LRP1B: variants seen among roughly 807,000 people sequenced by gnomAD.
The protein encoded by LRP1B is LDL receptor related protein 1B.
In LRP1B, 217 loss-of-function variants were observed where a neutral mutation model predicts 556.6. The ratio of observed to expected loss-of-function variants is 0.39; its 90% CI spans 0.35 to 0.44. LRP1B has a LOEUF of 0.44. LRP1B is among the 20% of genes least tolerant of loss of function. The probability of loss-of-function intolerance (pLI) is 1.00; values close to 1 mark genes in which losing one functional copy is unlikely to be tolerated. For missense variants in LRP1B, 5,053 were observed against 5,620.8 expected (o/e 0.90, Z 3.23); for synonymous variants, 2,047 against 1,865.8 (o/e 1.10, Z -2.50).
intron 3 of LRP1B, among the ~76,000 whole-genome samples, chr2:141,347,513 T>G (rs745841547): frequency 1.3e-5 from 2 of 151,984 alleles, no homozygotes; most frequent in Middle Eastern, 3.4e-3. Flanking sequence ...TAATTTAAAA[T>G]TTAATATAAA....
intron 84 of LRP1B, among the ~76,000 whole-genome samples, chr2:140,275,811 A>T (rs1052840256): frequency 1.3e-5 from 2 of 151,852 alleles, no homozygotes. Flanking sequence ...GTCACAGACG[A>T]TTTTCTCAAC....
chr2:140,523,435 T>G lies in LRP1B; in HGVS notation c.8026+2409A>C, dbSNP rs116001166. On this transcript the variant is annotated intron_variant, in intron 49 of 90. Coordinates refer to ENST00000389484, the MANE Select transcript of LRP1B (RefSeq NM_018557.3). Reference sequence around the variant, plus strand: ...CCCAAAGCCAATCTCAAATTGAAGGTGCAAAAGCTGGAATCATTCATTGCC... The same window carrying G: ...CCCAAAGCCAATCTCAAATTGAAGGGGCAAAAGCTGGAATCATTCATTGCC... Among the ~76,000 whole-genome samples, 1,426 of 151,906 alleles carry G rather than the reference T, an allele frequency of 9.4e-3. 19 individuals are homozygous for G. Among genetic ancestry groups the G allele is most frequent in the African/African-American group, 0.031 (1,272 of 41,450 alleles).
intron 7 of LRP1B, among the ~76,000 whole-genome samples, chr2:141,080,172 T>A (rs1418989128): frequency 6.6e-6 from 1 of 152,200 alleles, no homozygotes. Flanking sequence ...AAGCCCTTAA[T>A]GGTGGGAGGA....
At chr2:141,405,624 C>A (rs1157943140) in intron 3 of LRP1B, among the ~76,000 whole-genome samples, 2 of 151,942 alleles carry the variant, frequency 1.3e-5, no homozygotes, top group Non-Finnish European at 1.5e-5. Flanking sequence ...TGTAAGAAGA[C>A]AACAGAGATA....
At chr2:141,592,105 T>C (rs1349536991) in intron 2 of LRP1B, among the ~76,000 whole-genome samples, 1 of 152,110 alleles carries the variant, frequency 6.6e-6, no homozygotes, top group Non-Finnish European at 1.5e-5. Context: ...TGCACCAACA[T>C]TGACTGTGTT....
intron 1 of LRP1B, among the ~76,000 whole-genome samples, chr2:141,938,530 A>C (rs1473889798): frequency 1.3e-5 from 2 of 152,136 alleles, no homozygotes; most frequent in Non-Finnish European, 2.9e-5. Flanking sequence ...AACAGTATGG[A>C]GAGTCCTCAA....
At chr2:141,794,538 T>C (rs534074472) in intron 2 of LRP1B, among the ~76,000 whole-genome samples, 40 of 151,694 alleles carry the variant, frequency 2.6e-4, no homozygotes, top group Non-Finnish European at 4.6e-4. Flanking sequence ...AAAAGAAAAA[T>C]AACTGATATA....
intron 5 of LRP1B, among the ~76,000 whole-genome samples, chr2:141,231,780 A>G (rs1683482608): frequency 6.6e-6 from 1 of 152,186 alleles, no homozygotes; most frequent in Non-Finnish European, 1.5e-5. Context: ...CTCTCAAGTC[A>G]TAGGATTCCT....
At chr2:140,663,700 A>T (rs1260669502) in intron 41 of LRP1B, among the ~76,000 whole-genome samples, 1 of 152,052 alleles carries the variant, frequency 6.6e-6, no homozygotes. Context: ...AGGGTACTGT[A>T]TTTTCTTATC....
At chr2:140,825,356 C>T (rs1691466310) in intron 31 of LRP1B, among the ~76,000 whole-genome samples, 1 of 152,144 alleles carries the variant, frequency 6.6e-6, no homozygotes, top group African/African-American at 2.4e-5. Context: ...AGATTCTAAA[C>T]TCCTTGAAGA....
intron 41 of LRP1B, among the ~76,000 whole-genome samples, chr2:140,666,323 C>T (rs200648876): frequency 6.8e-6 from 1 of 146,324 alleles, no homozygotes; most frequent in Admixed American, 6.8e-5. Flanking sequence ...CACACACACA[C>T]ACACACACCA....
intron 2 of LRP1B, among the ~76,000 whole-genome samples, chr2:141,777,574 C>A (rs1409572238): frequency 6.6e-6 from 1 of 152,006 alleles, no homozygotes; most frequent in Non-Finnish European, 1.5e-5. Flanking sequence ...GGCCACCACA[C>A]CCGGCTTATT....
At chr2:141,583,131 C>T (rs1345549685) in intron 2 of LRP1B, among the ~76,000 whole-genome samples, 1 of 152,104 alleles carries the variant, frequency 6.6e-6, no homozygotes, top group Non-Finnish European at 1.5e-5. Context: ...CCACCACGCC[C>T]GGCCAACAAT....
intron 3 of LRP1B, among the ~76,000 whole-genome samples, chr2:141,413,179 G>T (rs752248786): frequency 6.6e-6 from 1 of 152,102 alleles, no homozygotes; most frequent in Non-Finnish European, 1.5e-5. Context: ...GGGAGCTACA[G>T]TTGCAACACT....
intron 32 of LRP1B, among the ~76,000 whole-genome samples, chr2:140,802,820 A>AT (rs1475112296): frequency 1.3e-5 from 2 of 152,222 alleles, no homozygotes; most frequent in Non-Finnish European, 2.9e-5. Context: ...ATTCAAGACC[A>AT]TTTTTAAAAA....
chr2:141,680,913 A>G (rs1161068263), intron 2 of LRP1B, among the ~76,000 whole-genome samples: 1 of 152,168 alleles, frequency 6.6e-6, no homozygotes, highest in Non-Finnish European at 1.5e-5. Context: ...AAGTATTTAA[A>G]TGCTGAGCCT....
At chr2:140,392,493 CT>C (rs755495673) in intron 66 of LRP1B, among the ~76,000 whole-genome samples, 74 of 145,192 alleles carry the variant, frequency 5.1e-4, no homozygotes, top group Non-Finnish European at 4.6e-4. Flanking sequence ...AGAATGCAAC[CT>C]TTTTTTTTTT....
chr2:141,610,440 G>A (rs770797684), intron 2 of LRP1B, among the ~76,000 whole-genome samples: 2 of 151,442 alleles, frequency 1.3e-5, no homozygotes, highest in Non-Finnish European at 2.9e-5. Context: ...AAGCTGCCAC[G>A]TGTTTGCTCA....
intron 41 of LRP1B, 128 bp downstream of exon 41, chr2:140,700,122 A>G: frequency 2.4e-6 from 2 of 823,802 alleles, no homozygotes; most frequent in East Asian, 5.3e-5. Context: ...TAGATGATAT[A>G]GTCACATTCA....
Sources: gnomAD v4.1 joint callset for allele counts (sites outside exome capture counted in the v4.1 genomes callset) on GRCh38, gnomAD v4.1.1 for gene constraint, MANE v1.5 for transcripts, NCBI Gene and HGNC (gene_info 2026-07-23, HGNC 2026-07-21) for gene names.